PCDHA7: variants seen among roughly 807,000 people sequenced by gnomAD.
The protein encoded by PCDHA7 is protocadherin alpha 7, also known as protocadherin alpha-7.
PCDHA7 carries 37 observed loss-of-function variants against 57.2 expected under a neutral mutation model. That is an observed-to-expected ratio of 0.65 (90% CI 0.50 to 0.85). The LOEUF is 0.85. PCDHA7 is among the 40% of genes least tolerant of loss of function. The pLI, the probability that PCDHA7 is intolerant of heterozygous loss-of-function variation, is 0.00. For missense variants in PCDHA7, 1,188 were observed against 1,241.8 expected (o/e 0.96, Z 0.65); for synonymous variants, 553 against 558.8 (o/e 0.99, Z 0.15).
chr5:140,885,160 CTTTT>C (rs370486132), intron 1 of PCDHA7, among the ~76,000 whole-genome samples: 314 of 152,080 alleles, frequency 2.1e-3, no homozygotes, highest in African/African-American at 7.4e-3. Context: ...ATTGTCTCTA[CTTTT>C]TTGTCCTCTA....
chr5:140,836,499 G>C lies in PCDHA7; in HGVS notation c.2116G>C (p.Ala706Pro). The change falls in exon 1 of 4, where the codon GCG becomes CCG. Residue 706 changes from alanine (A) to proline (P), a missense_variant. This residue lies in a region of PCDHA7 where 892 missense variants were observed against 788.5 expected (regional missense o/e 1.13). Transcript: ENST00000525929. ...VNVYLIIAIC[A>P]VSSLLVLTLL... ...CGTGTACCTGATCATCGCCATCTGCGCGGTGTCCAGTCTGTTGGTGCTTAC... is the reference window on the plus strand; with the variant it reads ...CGTGTACCTGATCATCGCCATCTGCCCGGTGTCCAGTCTGTTGGTGCTTAC... 1 of 1,613,878 alleles carries C rather than the reference G, an allele frequency of 6.2e-7. No individual in the cohort carries two copies. Among genetic ancestry groups the C allele is most frequent in the Non-Finnish European group, 8.5e-7 (1 of 1,179,872 alleles).
At chr5:140,852,957 C>A in intron 1 of PCDHA7, 1 of 439,404 alleles carries the variant, frequency 2.3e-6, no homozygotes, top group Non-Finnish European at 3.1e-6. Flanking sequence ...TGGCTCACTC[C>A]AAGCTCCCCC....
intron 1 of PCDHA7, chr5:140,863,724 G>C (rs1450071694): frequency 3.7e-6 from 1 of 271,826 alleles, no homozygotes; most frequent in African/African-American, 2.2e-5. Context: ...GCCGGGTGCG[G>C]TAGCTCATGC....
intron 1 of PCDHA7, among the ~76,000 whole-genome samples, chr5:140,971,869 A>G (rs1277835883): frequency 1.3e-5 from 2 of 152,182 alleles, no homozygotes; most frequent in Non-Finnish European, 2.9e-5. Flanking sequence ...AACATCTAGC[A>G]TATGAGGAAA....
At chr5:140,930,403 T>A (rs1337428261) in intron 1 of PCDHA7, 6 of 152,200 alleles carry the variant, frequency 3.9e-5, no homozygotes, top group African/African-American at 1.2e-4. Context: ...CTTTTTTTTT[T>A]TTGAGACAGG....
At chr5:140,883,920 T>C in intron 1 of PCDHA7, 1 of 1,613,492 alleles carries the variant, frequency 6.2e-7, no homozygotes, top group Non-Finnish European at 8.5e-7. Flanking sequence ...AACGTGACGC[T>C]GCAGGTGTTC....
At chr5:140,887,473 G>T (rs574265811) in intron 1 of PCDHA7, among the ~76,000 whole-genome samples, 10 of 152,222 alleles carry the variant, frequency 6.6e-5, no homozygotes, top group African/African-American at 2.4e-4. Flanking sequence ...TAATTCAGTT[G>T]TCTTCTGGCT....
chr5:140,927,306 G>T (rs782091835), intron 1 of PCDHA7: 10 of 1,614,040 alleles, frequency 6.2e-6, no homozygotes, highest in Non-Finnish European at 5.9e-6. Context: ...AGTTCCTGAC[G>T]CCCGGAGCCC....
chr5:140,941,202 C>CCTTTTCTTCCTTTCTTT (rs2092814043), intron 1 of PCDHA7, among the ~76,000 whole-genome samples: 1 of 122,742 alleles, frequency 8.1e-6, no homozygotes, highest in Non-Finnish European at 1.8e-5. Flanking sequence ...TTTCTTTCTT[C>CCTTTTCTTCCTTTCTTT]CTTTCTTTCT....
chr5:140,846,625 C>A (rs567549209), intron 1 of PCDHA7, among the ~76,000 whole-genome samples: 1 of 149,010 alleles, frequency 6.7e-6, no homozygotes, highest in Non-Finnish European at 1.5e-5. Flanking sequence ...CCGCCCACTT[C>A]GGCCTCCTAA....
chr5:140,852,335 T>C (rs2042302607), intron 1 of PCDHA7: 1 of 256,936 alleles, frequency 3.9e-6, no homozygotes. Context: ...TGGAGTACAG[T>C]GGCATGATCT....
intron 1 of PCDHA7, among the ~76,000 whole-genome samples, chr5:140,963,606 G>A (rs79307503): frequency 0.011 from 1,749 of 152,250 alleles, 32 homozygotes; most frequent in African/African-American, 0.039. Context: ...AGACGTAATT[G>A]GGAAAGCTTA....
At chr5:140,842,265 T>C in intron 1 of PCDHA7, 1 of 1,610,902 alleles carries the variant, frequency 6.2e-7, no homozygotes. Flanking sequence ...CAAGAAAACT[T>C]ATACAAAATC....
In PCDHA7 at chr5:140,835,617, G is replaced by C. The variant is rs2150239590; in HGVS notation, c.1234G>C (p.Ala412Pro). Residue 412 changes from alanine (A) to proline (P), a missense_variant, in exon 1 of 4, where the codon GCT (alanine) becomes CCT (proline). Ala to Pro is a conservative substitution (Grantham distance 27). Coordinates refer to ENST00000525929, the MANE Select transcript of PCDHA7 (RefSeq NM_018910.3). The part of the protein sequence containing the change: ...KNYYSLVLDS[A>P]LDRESVSAYE... The stretch of plus-strand genomic sequence containing the variant: ...TTACTATTCATTGGTGCTGGACAGC[G>C]CTCTGGACCGCGAGAGTGTGTCCGC... The C allele has an allele frequency of 3.1e-6, 5 of 1,613,774 alleles. No individual in the cohort carries two copies. The highest frequency in any genetic ancestry group is 2.5e-6 in the Non-Finnish European group (3 of 1,179,872).
In PCDHA7 at chr5:140,863,325, AGT is replaced by A. The variant is rs1554158100; in HGVS notation, c.2355+26589_2355+26590del. 4 of 1,432,658 alleles carry A rather than the reference AGT, an allele frequency of 2.8e-6. No individual in the cohort carries two copies. In the African/African-American group the frequency reaches 5.7e-5, roughly 21 times the overall value. The allele number at this position is 1,432,658 out of a possible 1,614,324, so 88.7% of individuals were successfully genotyped here. On this transcript the variant is annotated intron_variant, in intron 1 of 3. Transcript: ENST00000525929. ...CCATCTGCGTGGTGTCCAGCCTGTT[AGT>A]GCTCACGTTGCTGCTGTACACGACG...
intron 1 of PCDHA7, among the ~76,000 whole-genome samples, chr5:140,920,671 C>T (rs1218067284): frequency 2.0e-5 from 3 of 151,960 alleles, no homozygotes; most frequent in African/African-American, 7.3e-5. Flanking sequence ...TGGTGAAACC[C>T]CATCTCTACT....
intron 3 of PCDHA7, among the ~76,000 whole-genome samples, chr5:141,003,942 G>C (rs1054043476): frequency 2.0e-5 from 3 of 152,148 alleles, no homozygotes; most frequent in Non-Finnish European, 2.9e-5. Flanking sequence ...TTGCCTGAGG[G>C]TGAGCTAGGA....
chr5:140,938,014 T>C (rs1554211943), intron 1 of PCDHA7, among the ~76,000 whole-genome samples: 6 of 152,220 alleles, frequency 3.9e-5, no homozygotes. Context: ...TCTTGCTAAA[T>C]AGTAAAATCT....
At chr5:140,845,610 G>A (rs1779953371) in intron 1 of PCDHA7, among the ~76,000 whole-genome samples, 1 of 149,452 alleles carries the variant, frequency 6.7e-6, no homozygotes, top group Non-Finnish European at 1.5e-5. Context: ...ATTAAGTATT[G>A]TGGATTCTGA....
Sources: allele counts gnomAD v4.1 joint callset (sites outside exome capture counted in the v4.1 genomes callset), GRCh38; gene constraint gnomAD v4.1.1; regional missense constraint gnomAD v4.1.1; transcripts MANE v1.5; gene names NCBI Gene and HGNC (gene_info 2026-07-23, HGNC 2026-07-21).